Variants in CD226 observed in about 807,000 individuals in gnomAD.
CD226 encodes the protein CD226 antigen.
In CD226, 24 loss-of-function variants were observed where a neutral mutation model predicts 34.9. That is an observed-to-expected ratio of 0.69 (90% CI 0.50 to 0.97). CD226 has a LOEUF of 0.97. Ranked by LOEUF, CD226 falls within the 50% of genes least tolerant of loss-of-function variation. CD226 has a pLI of 0.00. For missense variants in CD226, 397 were observed against 412.7 expected, an observed-to-expected ratio of 0.96 and a Z score of 0.33; for synonymous variants, 148 against 147.4, an observed-to-expected ratio of 1.00 and a Z score of -0.03.
chr18:69,875,218 A>G (rs1234543885), intron 3 of CD226, among the ~76,000 whole-genome samples: 1 of 152,116 alleles, frequency 6.6e-6, no homozygotes, highest in Non-Finnish European at 1.5e-5. Flanking sequence ...AGCTCGCTGC[A>G]AGCTCCACTT....
chr18:69,883,766 C>T (rs552649792), intron 3 of CD226, among the ~76,000 whole-genome samples: 2 of 152,284 alleles, frequency 1.3e-5, no homozygotes, highest in South Asian at 4.1e-4. Context: ...GTTCTTATAA[C>T]AATAGAAATA....
chr18:69,896,048 G>A lies in CD226; in HGVS notation c.383-3C>T. On this transcript the variant is annotated splice_region_variant and splice_polypyrimidine_tract_variant and intron_variant, in intron 2 of 5. Transcript: ENST00000582621. ...TGGCACAGCTGCCTCAAAACTATCT[G>A]AAAAGAAGAAGCAAATGATTAGATA... The A allele has an allele frequency of 6.2e-7, 1 of 1,601,358 alleles. No individual in the cohort carries two copies. The highest frequency in any genetic ancestry group is 1.1e-5 in the South Asian group (1 of 90,976).
chr18:69,855,509 TGAA>T lies in CD226; in HGVS notation c.*8802_*8804del, dbSNP rs971015212. 2 of 152,194 alleles carry T rather than the reference TGAA, an allele frequency of 1.3e-5. No individual in the cohort carries two copies. Among genetic ancestry groups the T allele is most frequent in the Admixed American group, 1.3e-4 (2 of 15,280 alleles). The allele number at this position is 152,194 out of a possible 1,614,324, so 9.4% of individuals were successfully genotyped here. ...AGAATATTCAAGACTATGGAATAAT[TGAA>T]GAAGAAGAAAGAATGGAGCAAAAGA... On this transcript the variant is annotated 3_prime_UTR_variant, in exon 6 of 6. Coordinates refer to ENST00000582621, the MANE Select transcript of CD226 (RefSeq NM_001303618.2).
At chr18:69,927,181 T>C (rs370605712) in intron 2 of CD226, among the ~76,000 whole-genome samples, 1 of 152,128 alleles carries the variant, frequency 6.6e-6, no homozygotes, top group Non-Finnish European at 1.5e-5. Context: ...TTCCACCATA[T>C]GAGGACGCAG....
intron 2 of CD226, among the ~76,000 whole-genome samples, chr18:69,945,761 G>A (rs2055781181): frequency 1.3e-5 from 2 of 152,138 alleles, no homozygotes; most frequent in African/African-American, 2.4e-5. Context: ...ATATTCCCAA[G>A]ACTGGGCAAT....
chr18:69,859,201 G>A lies in CD226; in HGVS notation c.*5113C>T, dbSNP rs1243605453. On this transcript the variant is annotated 3_prime_UTR_variant, in exon 6 of 6. Coordinates refer to ENST00000582621, the MANE Select transcript of CD226 (RefSeq NM_001303618.2). ...GATGAAGGGAGACACCAGGATGGCA[G>A]TTGTGTGCCTCTCCTTCTAGCCCCA... The A allele has an allele frequency of 1.3e-5, 2 of 152,158 alleles. No individual in the cohort carries two copies. The highest frequency in any genetic ancestry group is 4.8e-5 in the African/African-American group (2 of 41,422). The allele number at this position is 152,158 out of a possible 1,614,324, so 9.4% of individuals were successfully genotyped here. A position where few individuals can be genotyped will look rare whatever the true frequency, so the allele number is the denominator to read the frequency against.
rs568806315 is a variant in CD226 at position 69,941,703 on chromosome 18, C to T, written c.382+5031G>A. Among the ~76,000 whole-genome samples the T allele has an allele frequency of 1.5e-4, 23 of 152,228 alleles. No homozygotes were observed. In the East Asian group the frequency reaches 3.7e-3, roughly 24 times the overall value. On this transcript the variant is annotated intron_variant, in intron 2 of 5. Transcript: ENST00000582621. ...CAGGCTCATAGGCGGAAGGTACTTG[C>T]CTTGTCTCAGATGAGACTTTGGGCT...
In CD226 at chr18:69,861,554, G is replaced by GTATGTATATATATATATA. The variant is rs1555675806; in HGVS notation, c.*2759_*2760insTATATATATATATACATA. ...ATAAATTATATGTGTATATATATAT[G>GTATGTATATATATATATA]TATATATATATATATATATGTAAAA... is the stretch of plus-strand genomic sequence containing the variant. On this transcript the variant is annotated 3_prime_UTR_variant, in exon 6 of 6. Transcript: ENST00000582621. 8.6e-5 allele frequency: 11 copies of GTATGTATATATATATATA among 127,948 alleles called. No homozygotes were observed. Among genetic ancestry groups the GTATGTATATATATATATA allele is most frequent in the Admixed American group, 1.7e-4 (2 of 11,704 alleles). 7.9% of individuals were successfully genotyped at this position (127,948 alleles called of 1,614,324 possible). A position where few individuals can be genotyped will look rare whatever the true frequency, so the allele number is the denominator to read the frequency against.
intron 2 of CD226, among the ~76,000 whole-genome samples, chr18:69,910,593 G>A (rs1426389970): frequency 6.6e-6 from 1 of 152,166 alleles, no homozygotes; most frequent in Non-Finnish European, 1.5e-5. Context: ...GTGGCCTGGT[G>A]GAGGAGACCC....
Position 69,853,450 on chromosome 18 carries a change from C to T in CD226, c.*10864G>A, listed in dbSNP as rs1377344132. On this transcript the variant is annotated 3_prime_UTR_variant, in exon 6 of 6. Coordinates refer to ENST00000582621, the MANE Select transcript of CD226 (RefSeq NM_001303618.2). ...GAAGCCTAATATCTAAATATATAGA[C>T]ATAGAACCCTTGACAATGCTTTACT... The T allele has an allele frequency of 2.6e-5, 4 of 152,132 alleles. No homozygotes were observed. Among genetic ancestry groups the T allele is most frequent in the African/African-American group, 9.7e-5 (4 of 41,428 alleles). 9.4% of individuals were successfully genotyped at this position (152,132 alleles called of 1,614,324 possible). A position where few individuals can be genotyped will look rare whatever the true frequency, so the allele number is the denominator to read the frequency against.
chr18:69,874,787 G>A (rs1180284341), intron 3 of CD226, among the ~76,000 whole-genome samples: 1 of 152,066 alleles, frequency 6.6e-6, no homozygotes, highest in Non-Finnish European at 1.5e-5. Flanking sequence ...ATTTTTAAAC[G>A]TTTTAGACCT....
At chr18:69,917,925 T>A (rs746732094) in intron 2 of CD226, among the ~76,000 whole-genome samples, 2 of 152,142 alleles carry the variant, frequency 1.3e-5, no homozygotes, top group Non-Finnish European at 2.9e-5. Context: ...AAGAGCTTTA[T>A]AATGACCAAG....
At chr18:69,902,745 C>G (rs1054829508) in intron 2 of CD226, among the ~76,000 whole-genome samples, 25 of 151,916 alleles carry the variant, frequency 1.6e-4, no homozygotes, top group Non-Finnish European at 5.9e-5. Context: ...GAGACGATAA[C>G]TTGTTCTTAC....
chr18:69,920,502 T>C (rs1282753924), intron 2 of CD226, among the ~76,000 whole-genome samples: 2 of 152,242 alleles, frequency 1.3e-5, no homozygotes, highest in Non-Finnish European at 2.9e-5. Context: ...TTCTCCTTTT[T>C]ACTTACATGA....
At position 69,906,580 on chromosome 18, in the gene CD226, C is replaced by T. The variant is rs565285749; in HGVS notation, c.383-10535G>A. On this transcript the variant is annotated intron_variant, in intron 2 of 5. Coordinates refer to ENST00000582621, the MANE Select transcript of CD226 (RefSeq NM_001303618.2). Reference sequence around the variant, plus strand: ...ACTAAAAATTCACCCTTATGGCTCTCTCCTGAAAATGTGAATATGAGCCCT... The same window carrying T: ...ACTAAAAATTCACCCTTATGGCTCTTTCCTGAAAATGTGAATATGAGCCCT... Among the ~76,000 whole-genome samples the T allele has an allele frequency of 2.0e-5, 3 of 152,318 alleles. No homozygotes were observed. In the South Asian group the frequency reaches 6.2e-4, roughly 32 times the overall value.
At chr18:69,942,376 C>T (rs773933603) in intron 2 of CD226, among the ~76,000 whole-genome samples, 1 of 152,226 alleles carries the variant, frequency 6.6e-6, no homozygotes, top group Non-Finnish European at 1.5e-5. Context: ...TGCCTGCAAA[C>T]TCTTACTCTC....
chr18:69,873,206 C>T lies in CD226; in HGVS notation c.768G>A (p.Gly256=), dbSNP rs150415354. ...TAACAAACAACAACAATAAAACTGT[C>T]CCTCCAGCCACAAAGAGGGTATATT... ...DNQYTLFVAG[G]TVLLLLFVIS... The change falls in exon 4 of 6, where the codon GGG becomes GGA. Residue 256 remains glycine, a synonymous_variant. Coordinates refer to ENST00000582621, the MANE Select transcript of CD226 (RefSeq NM_001303618.2). The T allele has an allele frequency of 1.9e-6, 3 of 1,610,944 alleles. No individual in the cohort carries two copies. The highest frequency in any genetic ancestry group is 2.5e-6 in the Non-Finnish European group (3 of 1,177,370).
chr18:69,941,392 A>G (rs1459044198), intron 2 of CD226, among the ~76,000 whole-genome samples: 1 of 152,228 alleles, frequency 6.6e-6, no homozygotes, highest in Non-Finnish European at 1.5e-5. Flanking sequence ...AGCCTGTGAA[A>G]GCAGCCAAGA....
At chr18:69,893,301 C>T (rs1188356515) in intron 3 of CD226, among the ~76,000 whole-genome samples, 1 of 152,186 alleles carries the variant, frequency 6.6e-6, no homozygotes, top group Non-Finnish European at 1.5e-5. Context: ...ATTTCATTGG[C>T]AGAGTTTGAC....
Sources: allele counts gnomAD v4.1 joint callset (sites outside exome capture counted in the v4.1 genomes callset), GRCh38; gene constraint gnomAD v4.1.1; transcripts MANE v1.5; gene names NCBI Gene and HGNC (gene_info 2026-07-23, HGNC 2026-07-21).